Variants in OTOF observed in about 807,000 individuals in gnomAD.
OTOF encodes fer-1-like family member 2.
Under a neutral mutation model 236.8 loss-of-function variants are expected in OTOF, and 218 were observed. The ratio of observed to expected loss-of-function variants is 0.92; its 90% confidence interval spans 0.82 to 1.03. OTOF has a LOEUF of 1.03. OTOF is among the 50% of genes least tolerant of loss of function. OTOF has a pLI of 0.00. For synonymous variants in OTOF, 1,041 were observed against 1,072.5 expected (o/e 0.97, Z 0.57); for missense variants, 2,590 against 2,694.4 (o/e 0.96, Z 0.86).
rs376520359 is a variant in OTOF at position 26,494,728 on chromosome 2, C to G, written c.897+214G>C. Reference sequence around the variant, plus strand: ...CCCGGGTGGTGTACGCTTCAAAGACCAGTGTCGGCCTGTGCTCTAGACTGG... The same window carrying G: ...CCCGGGTGGTGTACGCTTCAAAGACGAGTGTCGGCCTGTGCTCTAGACTGG... On this transcript the variant is annotated intron_variant, in intron 9 of 46. Coordinates refer to ENST00000272371, the MANE Select transcript of OTOF (RefSeq NM_194248.3). Among the ~76,000 whole-genome samples the G allele has an allele frequency of 2.4e-4, 36 of 152,080 alleles. 1 individual carries two copies. Among genetic ancestry groups the G allele is most frequent in the African/African-American group, 8.2e-4 (34 of 41,436 alleles).
chr2:26,467,163 C>T lies in OTOF; in HGVS notation c.4298G>A (p.Arg1433Gln), dbSNP rs747354464. ...EDWLHTFNLL[R>Q]GKTGDDEDGS... ...ATCCTCATCATCCCCGGTCTTGCCC[C>T]GAAGCAAGTTGAAAGTGTGCAGCCA... The change falls in exon 35 of 47, where the codon CGG becomes CAG. Residue 1433 changes from arginine (R) to glutamine (Q), a missense_variant. Transcript: ENST00000272371. The T allele has an allele frequency of 1.2e-5, 19 of 1,613,962 alleles. No homozygotes were observed. Among genetic ancestry groups the T allele is most frequent in the Admixed American group, 1.7e-5 (1 of 60,012 alleles).
In OTOF at chr2:26,477,318, G is replaced by A; in HGVS notation, c.2407-30C>T. On this transcript the variant is annotated intron_variant, in intron 20 of 46. Coordinates refer to ENST00000272371, the MANE Select transcript of OTOF (RefSeq NM_194248.3). The surrounding 1 kb of genome is among the most constrained non-coding windows in gnomAD (Gnocchi z 4.7). ...GAAGGAGGGGGTGTCAGTGAACCCAGCAACTGGGGGACAGCTCGGGCCATG... is the reference window on the plus strand; with the variant it reads ...GAAGGAGGGGGTGTCAGTGAACCCAACAACTGGGGGACAGCTCGGGCCATG... 1 of 1,601,904 alleles carries A rather than the reference G, an allele frequency of 6.2e-7. No individual in the cohort carries two copies. Among genetic ancestry groups the A allele is most frequent in the African/African-American group, 1.3e-5 (1 of 74,840 alleles).
intron 8 of OTOF, among the ~76,000 whole-genome samples, chr2:26,497,083 A>ATTC: frequency 8.0e-6 from 1 of 124,718 alleles, no homozygotes; most frequent in Admixed American, 9.0e-5. Flanking sequence ...ACCTCTGTAC[A>ATTC]TTCTTCTTTT....
Position 26,474,057 on chromosome 2 carries a change from C to T in OTOF, c.3342G>A (p.Val1114=). 6.2e-7 allele frequency: 1 copy of T among 1,612,946 alleles called. No individual in the cohort carries two copies. The highest frequency in any genetic ancestry group is 8.5e-7 in the Non-Finnish European group (1 of 1,179,864). The change falls in exon 27 of 47, where the codon GTG becomes GTA. Residue 1114 remains valine, a synonymous_variant. Transcript: ENST00000272371. ...GCACGGGCATGATGGGACCTCGGTC[C>T]ACGTCCACCGGGCCATTGATGGGGG... The part of the protein sequence containing the change: ...DLPPINGPVD[V]DRGPIMPVPM...
In OTOF at chr2:26,484,524, G is replaced by A. The variant is rs1387294749; in HGVS notation, c.1155C>T (p.Asn385=). ...CDVAVVGKGD[N]IKTPHKANET... is the part of the protein sequence containing the mutation. ...CATTGGCCTTGTGGGGCGTCTTGATGTTGTCCCCTTTGCCCACCACGGCAA... is the reference window on the plus strand; with the variant it reads ...CATTGGCCTTGTGGGGCGTCTTGATATTGTCCCCTTTGCCCACCACGGCAA... The change falls in exon 12 of 47, where the codon AAC becomes AAT. Residue 385 remains asparagine, a synonymous_variant. Coordinates refer to ENST00000272371, the MANE Select transcript of OTOF (RefSeq NM_194248.3). 1 of 1,614,028 alleles carries A rather than the reference G, an allele frequency of 6.2e-7. No individual in the cohort carries two copies.
intron 13 of OTOF, among the ~76,000 whole-genome samples, chr2:26,483,104 CGTGGGTGCACGTGTGCACGGGTGA>C (rs1459438065): frequency 2.9e-5 from 4 of 138,316 alleles, no homozygotes; most frequent in African/African-American, 1.1e-4. Context: ...TGTGTGTATT[CGTGGGTGCACGTGTGCACGGGTGA>C]GTGGGTGCGT....
At chr2:26,510,643 G>T in intron 5 of OTOF, 1 of 1,108,672 alleles carries the variant, frequency 9.0e-7, no homozygotes, top group Non-Finnish European at 1.2e-6. Flanking sequence ...CACAGCCTGT[G>T]GGGAGGAGGC....
Position 26,489,681 on chromosome 2 carries a change from A to G in OTOF, c.957T>C (p.Ile319=), listed in dbSNP as rs1414290631. Residue 319 remains isoleucine, a synonymous_variant, in exon 10 of 47, where the codon ATT becomes ATC. Transcript: ENST00000272371. The part of the protein sequence containing the change: ...PDVMFDKIIK[I]SVIHSKNLLR... ...CCAGGGGCTGCTCCCCACTCACCGA[A>G]ATCTTGATGATCTTGTCAAACATGA... 3.1e-6 allele frequency: 5 copies of G among 1,612,664 alleles called. No homozygotes were observed. In the Middle Eastern group the frequency reaches 4.9e-4, roughly 160 times the overall value.
chr2:26,465,636 A>G, intron 38 of OTOF, 36 bp downstream of exon 38: 1 of 1,606,246 alleles, frequency 6.2e-7, no homozygotes, highest in East Asian at 2.2e-5. Flanking sequence ...CAAAGCAGGC[A>G]CACTGCCCCC....
intron 5 of OTOF, among the ~76,000 whole-genome samples, chr2:26,507,849 G>GA (rs950814563): frequency 1.3e-5 from 2 of 152,020 alleles, no homozygotes; most frequent in East Asian, 1.9e-4. Context: ...ATCTCTAGAG[G>GA]AAAAAAATGC....
Position 26,464,924 on chromosome 2 carries a change from T to C in OTOF, c.4905A>G (p.Arg1635=). Residue 1635 remains arginine (R), a synonymous_variant, in exon 39 of 47, where the codon AGA becomes AGG. Coordinates refer to ENST00000272371, the MANE Select transcript of OTOF (RefSeq NM_194248.3). Reference sequence around the variant, plus strand: ...TGAAGACGCGGTTGGCCACCTTCACTCTCCCAGGGGGCCCAAAGTGGGGGC... The same window carrying C: ...TGAAGACGCGGTTGGCCACCTTCACCCTCCCAGGGGGCCCAAAGTGGGGGC... The part of the protein sequence containing the change: ...VDGPHFGPPG[R]VKVANRVFTG... The C allele has an allele frequency of 6.3e-7, 1 of 1,589,706 alleles. No homozygotes were observed. The highest frequency in any genetic ancestry group is 2.3e-5 in the East Asian group (1 of 43,902).
Position 26,495,220 on chromosome 2 carries a change from C to T in OTOF, c.766-147G>A, listed in dbSNP as rs1572450537. On this transcript the variant is annotated intron_variant, in intron 8 of 46. Coordinates refer to ENST00000272371, the MANE Select transcript of OTOF (RefSeq NM_194248.3). Reference sequence around the variant, plus strand: ...TCCTGGGCTCCATTCTGACCACTGCCTCTCATCTGCTGGGTGATCCTGGCT... The same window carrying T: ...TCCTGGGCTCCATTCTGACCACTGCTTCTCATCTGCTGGGTGATCCTGGCT... 25 of 704,108 alleles carry T rather than the reference C, an allele frequency of 3.6e-5. No individual in the cohort carries two copies. In the East Asian group the frequency reaches 6.7e-4, roughly 19 times the overall value. The allele number at this position is 704,108 out of a possible 1,614,324, so 43.6% of individuals were successfully genotyped here. A position where few individuals can be genotyped will look rare whatever the true frequency, so the allele number is the denominator to read the frequency against.
In OTOF at chr2:26,464,983, G is replaced by A. The variant is rs751330974; in HGVS notation, c.4846C>T (p.Leu1616=). The change falls in exon 39 of 47, where the codon CTG becomes TTG. Residue 1616 remains leucine (L), a synonymous_variant. Coordinates refer to ENST00000272371, the MANE Select transcript of OTOF (RefSeq NM_194248.3). ...TTGCCGTCTTTGCAGAGGCGGGTCA[G>A]GATCTGGCTGGGCTTCATGGGGTCC... is the stretch of plus-strand genomic sequence containing the variant. ...WRDPMKPSQI[L]TRLCKDGKVD... is the part of the protein sequence containing the mutation. The A allele has an allele frequency of 7.2e-6, 11 of 1,531,092 alleles. No homozygotes were observed. The highest frequency in any genetic ancestry group is 7.0e-5 in the African/African-American group (5 of 71,404). 94.8% of individuals were successfully genotyped at this position (1,531,092 alleles called of 1,614,324 possible). A position where few individuals can be genotyped will look rare whatever the true frequency, so the allele number is the denominator to read the frequency against.
Position 26,536,982 on chromosome 2 carries a change from G to C in OTOF, c.138+734C>G, listed in dbSNP as rs75270733. On this transcript the variant is annotated intron_variant, in intron 2 of 46. Coordinates refer to ENST00000272371, the MANE Select transcript of OTOF (RefSeq NM_194248.3). Reference sequence around the variant, plus strand: ...AGCCCGGCCAGGTACCGAGGGGAAGGGCAGGGAGAGGGAAGCGTTGTAAGT... The same window carrying C: ...AGCCCGGCCAGGTACCGAGGGGAAGCGCAGGGAGAGGGAAGCGTTGTAAGT... Among the ~76,000 whole-genome samples, 1,009 of 152,278 alleles carry C rather than the reference G, an allele frequency of 6.6e-3. 7 individuals are homozygous for C. Among genetic ancestry groups the C allele is most frequent in the Admixed American group, 0.022 (344 of 15,298 alleles).
intron 1 of OTOF, among the ~76,000 whole-genome samples, chr2:26,545,630 G>A (rs944267596): frequency 4.6e-5 from 7 of 151,806 alleles, no homozygotes; most frequent in Admixed American, 4.6e-4. Context: ...CCTAACCCAA[G>A]AATACAAAAA....
chr2:26,533,185 G>T (rs1221871743), intron 2 of OTOF, among the ~76,000 whole-genome samples: 1 of 152,164 alleles, frequency 6.6e-6, no homozygotes, highest in Non-Finnish European at 1.5e-5. Flanking sequence ...CTCCTTAAGA[G>T]AATCTAATGC....
chr2:26,461,162 C>T lies in OTOF; in HGVS notation c.5534-132G>A. ...CTGAGCCCACATCTCATCCTCCTGC[C>T]TCACTCCCAGCAACTGGCCTCAATG... On this transcript the variant is annotated intron_variant, in intron 43 of 46. Coordinates refer to ENST00000272371, the MANE Select transcript of OTOF (RefSeq NM_194248.3). The surrounding 1 kb of genome is among the most constrained non-coding windows in gnomAD (Gnocchi z 6.2). 1.2e-6 allele frequency: 1 copy of T among 825,376 alleles called. No homozygotes were observed. The allele number at this position is 825,376 out of a possible 1,614,324, so 51.1% of individuals were successfully genotyped here.
In OTOF at chr2:26,475,504, G is replaced by T; in HGVS notation, c.2992-11C>A. Reference sequence around the variant, plus strand: ...GGTCTCATTCAGCACCTGCAGCATGGGATGGGGAGACAGGGGACAAGTGAC... The same window carrying T: ...GGTCTCATTCAGCACCTGCAGCATGTGATGGGGAGACAGGGGACAAGTGAC... On this transcript the variant is annotated splice_polypyrimidine_tract_variant and intron_variant, in intron 24 of 46. Coordinates refer to ENST00000272371, the MANE Select transcript of OTOF (RefSeq NM_194248.3). 1 of 1,611,724 alleles carries T rather than the reference G, an allele frequency of 6.2e-7. No homozygotes were observed. Among genetic ancestry groups the T allele is most frequent in the East Asian group, 2.2e-5 (1 of 44,812 alleles).
intron 8 of OTOF, among the ~76,000 whole-genome samples, chr2:26,499,286 A>G (rs1356208923): frequency 6.6e-6 from 1 of 152,128 alleles, no homozygotes; most frequent in Admixed American, 6.5e-5. Context: ...AACAAAGAGC[A>G]TGGGTACGCC....
Sources: gnomAD v4.1 joint callset for allele counts (sites outside exome capture counted in the v4.1 genomes callset) on GRCh38, gnomAD v4.1.1 for gene constraint, Gnocchi (gnomAD v3.1) non-coding constraint, MANE v1.5 for transcripts, NCBI Gene and HGNC (gene_info 2026-07-23, HGNC 2026-07-21) for gene names.